Variants in LRRC4C observed in about 807,000 individuals in gnomAD.
LRRC4C encodes the protein leucine rich repeat containing 4C.
In LRRC4C, 5 loss-of-function variants were observed where a neutral mutation model predicts 33.6. The ratio of observed to expected loss-of-function variants is 0.15; its 90% CI spans 0.08 to 0.31. The LOEUF is 0.31. Ranked by LOEUF, LRRC4C falls within the 10% of genes least tolerant of loss-of-function variation. The pLI is 1.00. For missense variants in LRRC4C, 560 were observed against 796.7 expected, an observed-to-expected ratio of 0.70 and a Z score of 3.58; for synonymous variants, 329 against 302.0, an observed-to-expected ratio of 1.09 and a Z score of -0.93.
chr11:40,822,911 C>A (rs115333850), intron 2 of LRRC4C, among the ~76,000 whole-genome samples: 57 of 151,790 alleles, frequency 3.8e-4, no homozygotes, highest in African/African-American at 1.3e-3. Context: ...GTTTTCCCAG[C>A]ACCATTTATA....
chr11:40,512,351 T>G (rs114877947), intron 3 of LRRC4C, among the ~76,000 whole-genome samples: 9,809 of 151,806 alleles, frequency 0.065, 833 homozygotes, highest in African/African-American at 0.2. Flanking sequence ...TCCAGCCTGG[T>G]CAACACAGTG....
intron 3 of LRRC4C, among the ~76,000 whole-genome samples, chr11:40,596,078 A>C (rs184067966): frequency 5.8e-4 from 88 of 152,274 alleles, no homozygotes; most frequent in African/African-American, 1.9e-3. Flanking sequence ...TGAGAGGACC[A>C]TTGATATAGG....
rs116808591 is a variant in LRRC4C, at chr11:40,893,090, G to A, written c.-407+40545C>T. On this transcript the variant is annotated intron_variant, in intron 2 of 6. Coordinates refer to ENST00000528697, the MANE Select transcript of LRRC4C (RefSeq NM_001258419.2). ...CACTTACAGCAATATGAACGGGACT[G>A]AAGGACATTATGTTAAATGAAATAA... is the stretch of plus-strand genomic sequence containing the variant. Among the ~76,000 whole-genome samples, 652 of 152,030 alleles carry A rather than the reference G, an allele frequency of 4.3e-3. 4 individuals are homozygous for A. Among genetic ancestry groups the A allele is most frequent in the African/African-American group, 0.015 (624 of 41,482 alleles).
intron 1 of LRRC4C, among the ~76,000 whole-genome samples, chr11:41,173,890 C>T (rs893190708): frequency 1.1e-4 from 16 of 151,946 alleles, no homozygotes; most frequent in African/African-American, 3.6e-4. Flanking sequence ...TAAATATAAG[C>T]AAATAACAAG....
At chr11:40,532,853 C>T (rs1446873462) in intron 3 of LRRC4C, among the ~76,000 whole-genome samples, 3 of 152,206 alleles carry the variant, frequency 2.0e-5, no homozygotes, top group East Asian at 3.9e-4. Flanking sequence ...CTCACAGTTT[C>T]GCATGGCTGG....
chr11:41,011,888 C>T (rs145033314), intron 1 of LRRC4C, among the ~76,000 whole-genome samples: 2,057 of 140,450 alleles, frequency 0.015, 49 homozygotes, highest in African/African-American at 0.052. Context: ...TACTCTGTCA[C>T]CCAGGCTGGA....
At chr11:40,304,707 A>T (rs148102510) in intron 4 of LRRC4C, among the ~76,000 whole-genome samples, 1 of 152,166 alleles carries the variant, frequency 6.6e-6, no homozygotes, top group East Asian at 1.9e-4. Context: ...CCTGGCTTCA[A>T]ATTCTCAACT....
intron 1 of LRRC4C, among the ~76,000 whole-genome samples, chr11:41,085,073 T>C (rs1255982758): frequency 6.6e-6 from 1 of 152,206 alleles, no homozygotes; most frequent in Non-Finnish European, 1.5e-5. Flanking sequence ...TCCTCAGACT[T>C]CTACTCACAA....
At chr11:40,415,220 C>T (rs376119212) in intron 3 of LRRC4C, among the ~76,000 whole-genome samples, 2 of 152,106 alleles carry the variant, frequency 1.3e-5, no homozygotes, top group African/African-American at 4.8e-5. Context: ...AAGTTCAGAG[C>T]GCCATAACAA....
At chr11:41,419,109 T>A (rs2138302009) in intron 1 of LRRC4C, among the ~76,000 whole-genome samples, 1 of 151,936 alleles carries the variant, frequency 6.6e-6, no homozygotes, top group Non-Finnish European at 1.5e-5. Context: ...GGAACAAAAA[T>A]TTACAGTGTA....
In LRRC4C at chr11:40,794,373, C is replaced by CAAA. The variant is rs57476895; in HGVS notation, c.-407+139259_-407+139261dup. On this transcript the variant is annotated intron_variant, in intron 2 of 6. Transcript: ENST00000528697. Reference sequence around the variant, plus strand: ...ACAAAGCCACTCTCATAAACGCCAGCAAAAAAAAAAAAAAAAAAAAAAAAA... The same window carrying CAAA: ...ACAAAGCCACTCTCATAAACGCCAGCAAAAAAAAAAAAAAAAAAAAAAAAAAAA... Among the ~76,000 whole-genome samples the CAAA allele has an allele frequency of 2.3e-4, 18 of 77,208 alleles. 1 individual carries two copies. Among genetic ancestry groups the CAAA allele is most frequent in the East Asian group, 9.3e-4 (2 of 2,140 alleles). The allele number at this position is 77,208 out of a possible 152,430, so 50.7% of individuals were successfully genotyped here.
intron 3 of LRRC4C, among the ~76,000 whole-genome samples, chr11:40,354,951 C>T (rs1261373493): frequency 6.6e-6 from 1 of 152,048 alleles, no homozygotes; most frequent in South Asian, 2.1e-4. Context: ...CTGGGTCACA[C>T]CTGAAGCCAG....
chr11:41,149,550 G>A (rs915724554), intron 1 of LRRC4C, among the ~76,000 whole-genome samples: 1 of 150,524 alleles, frequency 6.6e-6, no homozygotes, highest in African/African-American at 2.4e-5. Context: ...CTGAACAGAA[G>A]TGATATTGCT....
chr11:41,256,891 A>G (rs1460755329), intron 1 of LRRC4C, among the ~76,000 whole-genome samples: 1 of 152,016 alleles, frequency 6.6e-6, no homozygotes, highest in Non-Finnish European at 1.5e-5. Flanking sequence ...CACATTATAT[A>G]TAAAGCTCCA....
chr11:40,946,293 T>A (rs767089500), intron 1 of LRRC4C, among the ~76,000 whole-genome samples: 1 of 152,192 alleles, frequency 6.6e-6, no homozygotes, highest in Non-Finnish European at 1.5e-5. Context: ...CTGCATAGTA[T>A]TTCTTGGTAT....
At chr11:40,890,636 C>T (rs1426914711) in intron 2 of LRRC4C, among the ~76,000 whole-genome samples, 1 of 152,030 alleles carries the variant, frequency 6.6e-6, no homozygotes, top group African/African-American at 2.4e-5. Context: ...GGTGAGGAGA[C>T]CATTGTTCTA....
intron 1 of LRRC4C, among the ~76,000 whole-genome samples, chr11:41,282,968 G>A (rs143001947): frequency 3.0e-4 from 46 of 152,238 alleles, no homozygotes; most frequent in African/African-American, 1.1e-3. Flanking sequence ...AGAAAAAAAT[G>A]TTTGACATGA....
chr11:40,511,843 G>T (rs979297044), intron 3 of LRRC4C, among the ~76,000 whole-genome samples: 5 of 152,132 alleles, frequency 3.3e-5, no homozygotes, highest in African/African-American at 1.2e-4. Flanking sequence ...CTTTCCATCA[G>T]TAATTTTGGC....
chr11:40,800,948 T>C (rs942626301), intron 2 of LRRC4C, among the ~76,000 whole-genome samples: 3 of 152,168 alleles, frequency 2.0e-5, no homozygotes, highest in Non-Finnish European at 4.4e-5. Flanking sequence ...GTTCCTTAAA[T>C]ACATCATAAA....
Sources: allele counts gnomAD v4.1 joint callset (sites outside exome capture counted in the v4.1 genomes callset), GRCh38; gene constraint gnomAD v4.1.1; transcripts MANE v1.5; gene names NCBI Gene and HGNC (gene_info 2026-07-23, HGNC 2026-07-21).